The following TPX2 variants were observed in gnomAD, a reference collection of about 807,000 sequenced individuals.
TPX2 encodes targeting protein for Xklp2.
Under a neutral mutation model 93.6 loss-of-function variants are expected in TPX2, and 21 were observed. The ratio of observed to expected loss-of-function variants is 0.22; its 90% CI spans 0.16 to 0.32. TPX2 has a LOEUF of 0.32. Among genes scored for constraint, TPX2 ranks in the 10% least tolerant of loss-of-function variants. The pLI, the probability that TPX2 is intolerant of heterozygous loss-of-function variation, is 1.00. For synonymous variants in TPX2, 281 were observed against 298.3 expected (o/e 0.94, Z 0.60); for missense variants, 776 against 871.1 (o/e 0.89, Z 1.37).
intron 1 of TPX2, among the ~76,000 whole-genome samples, chr20:31,740,455 G>T (rs1468213843): frequency 6.6e-6 from 1 of 152,176 alleles, no homozygotes; most frequent in Non-Finnish European, 1.5e-5. Context: ...TCAGACTTGA[G>T]TCCCCCTGGT....
intron 7 of TPX2, among the ~76,000 whole-genome samples, 176 bp from the exon 8 acceptor site, chr20:31,775,691 A>C (rs983343997): frequency 1.3e-5 from 2 of 152,024 alleles, no homozygotes; most frequent in African/African-American, 4.8e-5. Context: ...GTGCATTTTT[A>C]TTTATTTTCA....
intron 3 of TPX2, 68 bp downstream of exon 3, chr20:31,757,650 A>G: frequency 8.2e-7 from 1 of 1,215,286 alleles, no homozygotes; most frequent in Non-Finnish European, 1.2e-6. Context: ...ACCTTTCAAT[A>G]ATAGAAGGGG....
At position 31,778,974 on chromosome 20, in the gene TPX2, G is replaced by A; in HGVS notation, c.1044G>A (p.Lys348=). The A allele has an allele frequency of 1.3e-6, 2 of 1,588,058 alleles. No homozygotes were observed. The highest frequency in any genetic ancestry group is 1.2e-5 in the South Asian group (1 of 86,140). Residue 348 remains lysine (K), a synonymous_variant, in exon 10 of 18, where the codon AAG becomes AAA. Transcript: ENST00000300403. ...ACAGATATCATTTGAGGAGCAAGAA[G>A]GATGATATTAGTAAGTTTCCTACCA... ...TPNRYHLRSK[K]DDINLLPSKS... is the part of the protein sequence containing the mutation.
intron 14 of TPX2, among the ~76,000 whole-genome samples, 172 bp downstream of exon 14, chr20:31,794,196 G>T (rs2123091316): frequency 6.6e-6 from 1 of 152,290 alleles, no homozygotes; most frequent in South Asian, 2.1e-4. Context: ...GCACAAGGAG[G>T]TTAAGTGACT....
intron 2 of TPX2, among the ~76,000 whole-genome samples, chr20:31,753,898 C>T (rs75032088): frequency 1.3e-5 from 2 of 151,852 alleles, no homozygotes; most frequent in African/African-American, 2.4e-5. Flanking sequence ...TGGTGGCGCA[C>T]GCTTGTAACC....
intron 9 of TPX2, among the ~76,000 whole-genome samples, 160 bp downstream of exon 9, chr20:31,777,798 T>A (rs2062010958): frequency 6.6e-6 from 1 of 150,418 alleles, no homozygotes; most frequent in East Asian, 1.9e-4. Context: ...TTTTTTGAGA[T>A]GGAGTTTCAC....
intron 2 of TPX2, among the ~76,000 whole-genome samples, chr20:31,755,729 C>G (rs919213584): frequency 6.6e-6 from 1 of 151,810 alleles, no homozygotes; most frequent in Non-Finnish European, 1.5e-5. Context: ...CCACTGCACT[C>G]CAGCCTGGGG....
At chr20:31,767,461 C>T (rs117349227) in intron 5 of TPX2, among the ~76,000 whole-genome samples, 6,074 of 152,246 alleles carry the variant, frequency 0.04, 170 homozygotes, top group South Asian at 0.063. Flanking sequence ...CAGACTCGAA[C>T]TCCTGGGTTC....
chr20:31,787,577 A>G (rs2062074692), intron 12 of TPX2, among the ~76,000 whole-genome samples: 1 of 152,180 alleles, frequency 6.6e-6, no homozygotes, highest in Non-Finnish European at 1.5e-5. Context: ...CCTTTCTCCA[A>G]AGATGATTTT....
intron 3 of TPX2, 66 bp downstream of exon 3, chr20:31,757,648 A>G: frequency 8.1e-7 from 1 of 1,241,922 alleles, no homozygotes. Context: ...AGACCTTTCA[A>G]TAATAGAAGG....
intron 12 of TPX2, among the ~76,000 whole-genome samples, chr20:31,786,313 G>A (rs542675608): frequency 2.0e-5 from 3 of 147,620 alleles, no homozygotes; most frequent in African/African-American, 7.5e-5. Flanking sequence ...TTCTTAGGAA[G>A]TATGTGCTTA....
intron 15 of TPX2, among the ~76,000 whole-genome samples, chr20:31,796,993 CTT>C (rs750298855): frequency 6.9e-6 from 1 of 144,888 alleles, no homozygotes. Context: ...TGTTTGGAAT[CTT>C]TTTTTTTTTA....
intron 10 of TPX2, among the ~76,000 whole-genome samples, chr20:31,780,043 C>T (rs974023112): frequency 6.6e-6 from 1 of 152,108 alleles, no homozygotes; most frequent in African/African-American, 2.4e-5. Flanking sequence ...TTTTTATATC[C>T]TTGCATAGGC....
intron 2 of TPX2, among the ~76,000 whole-genome samples, chr20:31,756,661 T>C (rs2061854008): frequency 6.6e-6 from 1 of 152,122 alleles, no homozygotes; most frequent in Non-Finnish European, 1.5e-5. Context: ...TTTGCTCTTC[T>C]TGCCCAGGCT....
At chr20:31,776,018 A>G (rs1284467976) in intron 8 of TPX2, 30 bp downstream of exon 8, 1 of 1,211,138 alleles carries the variant, frequency 8.3e-7, no homozygotes, top group Non-Finnish European at 1.1e-6. Context: ...AGTCTGATTC[A>G]TGAGGGGTGG....
chr20:31,774,227 G>C (rs2061981729), intron 7 of TPX2, among the ~76,000 whole-genome samples: 1 of 152,124 alleles, frequency 6.6e-6, no homozygotes, highest in Non-Finnish European at 1.5e-5. Context: ...CTGTGCAGTA[G>C]AGCAAAAGAA....
intron 2 of TPX2, among the ~76,000 whole-genome samples, chr20:31,748,013 CT>C (rs2061794842): frequency 6.6e-6 from 1 of 151,946 alleles, no homozygotes; most frequent in Non-Finnish European, 1.5e-5. Context: ...CAGTAGTTAG[CT>C]TTTCGTTTTC....
At chr20:31,748,416 CT>C (rs2061797399) in intron 2 of TPX2, among the ~76,000 whole-genome samples, 1 of 151,776 alleles carries the variant, frequency 6.6e-6, no homozygotes, top group South Asian at 2.1e-4. Flanking sequence ...GAAAAGTATA[CT>C]TAAAAAAAGA....
chr20:31,788,966 T>TG (rs1358445073), intron 12 of TPX2, among the ~76,000 whole-genome samples: 5 of 152,084 alleles, frequency 3.3e-5, no homozygotes, highest in Admixed American at 2.6e-4. Flanking sequence ...CCAGGGTACT[T>TG]GGGGGGCACA....
Sources: gnomAD v4.1 joint callset for allele counts (sites outside exome capture counted in the v4.1 genomes callset) on GRCh38, gnomAD v4.1.1 for gene constraint, MANE v1.5 for transcripts, NCBI Gene and HGNC (gene_info 2026-07-23, HGNC 2026-07-21) for gene names.